Variants in SLC9A6 observed in about 807,000 individuals in gnomAD.
SLC9A6 encodes sodium/hydrogen exchanger 6.
SLC9A6 carries 6 observed loss-of-function variants against 45.3 expected under a neutral mutation model. That is an observed-to-expected ratio of 0.13 (90% CI 0.07 to 0.26). The LOEUF (loss-of-function observed/expected upper bound fraction) is 0.26. Ranked by LOEUF, SLC9A6 falls within the 10% of genes least tolerant of loss-of-function variation. SLC9A6 has a pLI of 1.00. For synonymous variants in SLC9A6, 191 were observed against 187.7 expected, an observed-to-expected ratio of 1.02 and a Z score of -0.14; for missense variants, 278 against 503.7, an observed-to-expected ratio of 0.55 and a Z score of 4.29.
At chrX:135,985,559 C>G in intron 1 of SLC9A6, 44 bp from the exon 2 acceptor site, 2 of 1,193,475 alleles carry the variant, frequency 1.7e-6, no homozygotes, top group Non-Finnish European at 2.3e-6. Context: ...GCAGCAGTCC[C>G]CGAGCCCGCA....
chrX:135,984,726 A>C (rs1418360599), upstream of SLC9A6, among the ~76,000 whole-genome samples: 1 of 111,744 alleles, frequency 8.9e-6, no homozygotes, highest in African/African-American at 3.3e-5. Context: ...AAGGAGCAAG[A>C]GGAGAAGGAG....
intron 3 of SLC9A6, among the ~76,000 whole-genome samples, chrX:135,995,355 A>C (rs2089483291): frequency 9.1e-6 from 1 of 110,086 alleles, no homozygotes; most frequent in Non-Finnish European, 1.9e-5. Context: ...ATGGAGTCTC[A>C]CTCTGTCACC....
intron 16 of SLC9A6, among the ~76,000 whole-genome samples, chrX:136,036,359 G>T (rs782642727): frequency 9.0e-6 from 1 of 110,913 alleles, no homozygotes; most frequent in East Asian, 2.8e-4. Context: ...TAACTGAGTT[G>T]TTTTTTTCTC....
At position 136,024,454 on chromosome X, in the gene SLC9A6, C is replaced by T; in HGVS notation, c.1431C>T (p.Thr477=). 1 of 1,209,999 alleles carries T rather than the reference C, an allele frequency of 8.3e-7. No homozygotes were observed. The highest frequency in any genetic ancestry group is 3.0e-5 in the East Asian group (1 of 33,828). The change falls in exon 13 of 18, where the codon ACC becomes ACT. Residue 477 remains threonine (T), a synonymous_variant. Coordinates refer to ENST00000630721, the MANE Select transcript of SLC9A6 (RefSeq NM_001379110.1). ...CCGTGTGGGTATTTGGTGGTGGCAC[C>T]ACTGCAATGCTGTCATGCTTGCATA... ...FFTVWVFGGG[T]TAMLSCLHIR...
chrX:136,002,328 AT>A (rs2089594957), intron 7 of SLC9A6, 115 bp downstream of exon 7: 7 of 566,154 alleles, frequency 1.2e-5, no homozygotes, highest in Non-Finnish European at 1.5e-5. Context: ...AGAATGAGGC[AT>A]TTTTTTCCCT....
intron 8 of SLC9A6, among the ~76,000 whole-genome samples, chrX:136,011,695 C>T (rs1008258770): frequency 3.2e-4 from 36 of 112,173 alleles, no homozygotes; most frequent in African/African-American, 1.1e-3. Flanking sequence ...CAGACACAAA[C>T]ATGCTAGAAG....
chrX:136,006,580 A>G (rs781840879), intron 7 of SLC9A6, among the ~76,000 whole-genome samples: 14 of 108,348 alleles, frequency 1.3e-4, no homozygotes, highest in Non-Finnish European at 2.5e-4. Context: ...TCCCTCATAC[A>G]TGGCTGCATG....
chrX:136,022,826 T>C, intron 12 of SLC9A6, 129 bp downstream of exon 12: 1 of 360,850 alleles, frequency 2.8e-6, no homozygotes. Flanking sequence ...TTTATTTATT[T>C]AGAGACACTG....
At chrX:135,997,548 C>T (rs1421029742) in intron 3 of SLC9A6, among the ~76,000 whole-genome samples, 1 of 103,690 alleles carries the variant, frequency 9.6e-6, no homozygotes, top group African/African-American at 3.6e-5. Flanking sequence ...GCTGGGATTA[C>T]AGGCACACGC....
At chrX:136,017,846 T>C (rs1438588586) in intron 11 of SLC9A6, among the ~76,000 whole-genome samples, 1 of 111,224 alleles carries the variant, frequency 9.0e-6, no homozygotes, top group Non-Finnish European at 1.9e-5. Flanking sequence ...TCTTAAGAGG[T>C]CGCAGTTGTG....
chrX:136,046,635 A>G lies in SLC9A6; in HGVS notation c.*1911A>G, dbSNP rs781878968. ...CAGTAACTCGTCTATTTCAGCATGC[A>G]TAAGACTTTTCACTAGGGAAACTGA... On this transcript the variant is annotated 3_prime_UTR_variant, in exon 18 of 18. Transcript: ENST00000630721. The G allele has an allele frequency of 3.5e-5, 4 of 112,815 alleles. No individual in the cohort carries two copies. The highest frequency in any genetic ancestry group is 5.6e-5 in the Non-Finnish European group (3 of 53,342). 9.3% of individuals were successfully genotyped at this position (112,815 alleles called of 1,213,427 possible).
rs1213544643 is a variant in SLC9A6 at position 136,010,335 on chromosome X, C to T, written c.744-107C>T. On this transcript the variant is annotated intron_variant, in intron 7 of 17. Coordinates refer to ENST00000630721, the MANE Select transcript of SLC9A6 (RefSeq NM_001379110.1). ...TTATTTTGGCAATTCCAATCGAAAG[C>T]TTGTTTTTCTTCTCCCTCTAATTTC... 1.3e-5 allele frequency: 12 copies of T among 898,611 alleles called. No individual in the cohort carries two copies. The Admixed American group carries it at 1.7e-4, about 13-fold the overall frequency. 74.1% of individuals were successfully genotyped at this position (898,611 alleles called of 1,213,427 possible).
intron 16 of SLC9A6, among the ~76,000 whole-genome samples, chrX:136,035,733 A>G (rs2071401307): frequency 9.1e-6 from 1 of 109,809 alleles, no homozygotes; most frequent in African/African-American, 3.3e-5. Context: ...TATATGTTTA[A>G]CGTGTTTTTT....
At chrX:136,042,076 A>G (rs991692130) in intron 17 of SLC9A6, among the ~76,000 whole-genome samples, 3 of 110,920 alleles carry the variant, frequency 2.7e-5, no homozygotes, top group Non-Finnish European at 1.9e-5. Flanking sequence ...CCTATTTCCA[A>G]ACAAGGTTAC....
chrX:135,996,942 A>G (rs2089508699), intron 3 of SLC9A6, among the ~76,000 whole-genome samples: 2 of 108,310 alleles, frequency 1.8e-5, no homozygotes. Flanking sequence ...AATTTTTTGT[A>G]TTTTTAATAG....
intron 15 of SLC9A6, among the ~76,000 whole-genome samples, chrX:136,030,669 C>G (rs782378324): frequency 2.7e-5 from 3 of 111,729 alleles, no homozygotes; most frequent in African/African-American, 9.8e-5. Context: ...GCCCCTCAGC[C>G]TTGGCCACGT....
At chrX:136,001,845 G>A (rs1286609786) in intron 6 of SLC9A6, among the ~76,000 whole-genome samples, 19 of 112,177 alleles carry the variant, frequency 1.7e-4, no homozygotes, top group African/African-American at 3.2e-4. Flanking sequence ...TAACATCTGC[G>A]TGAAGAATGT....
rs1556618895 is a variant in SLC9A6 at position 136,013,363 on chromosome X, T to C, written c.1006T>C (p.Leu336=). The C allele has an allele frequency of 3.3e-6, 4 of 1,205,899 alleles. No homozygotes were observed. The highest frequency in any genetic ancestry group is 4.5e-6 in the Non-Finnish European group (4 of 890,234). Residue 336 remains leucine, a synonymous_variant, in exon 10 of 18, where the codon TTG becomes CTG. Transcript: ENST00000630721. ...TGTCTTTATAGGTGTAGTTGCAGTA[T>C]TGTTTTGTGGCATCACACAAGCACA... ...AWGFTGVVAV[L]FCGITQAHYT... is the part of the protein sequence containing the mutation.
chrX:135,991,767 A>T (rs1569524039), intron 2 of SLC9A6, among the ~76,000 whole-genome samples: 1 of 110,041 alleles, frequency 9.1e-6, no homozygotes, highest in Non-Finnish European at 1.9e-5. Context: ...TCAAAAATGA[A>T]TTTTTTCCCT....
Sources: gnomAD v4.1 joint callset for allele counts (sites outside exome capture counted in the v4.1 genomes callset) on GRCh38, gnomAD v4.1.1 for gene constraint, MANE v1.5 for transcripts, NCBI Gene and HGNC (gene_info 2026-07-23, HGNC 2026-07-21) for gene names.